The following GANAB variants were observed in gnomAD, a reference collection of about 807,000 sequenced individuals.
GANAB encodes the protein glucosidase II alpha subunit.
In GANAB, 35 loss-of-function variants were observed where a neutral mutation model predicts 129.9. That is an observed-to-expected ratio of 0.27 (90% CI 0.21 to 0.36). GANAB has a LOEUF of 0.36. Ranked by LOEUF, GANAB falls within the 10% of genes least tolerant of loss-of-function variation. GANAB has a pLI of 1.00. For synonymous variants in GANAB, 482 were observed against 451.8 expected (o/e 1.07, Z -0.85); for missense variants, 939 against 1,221.0 (o/e 0.77, Z 3.44).
At chr11:62,634,378 G>A in intron 5 of GANAB, 1 of 1,602,732 alleles carries the variant, frequency 6.2e-7, no homozygotes, top group Non-Finnish European at 8.5e-7. Flanking sequence ...CCGAGAAACT[G>A]GGGCAGGAGG....
rs1943735565 is a variant in GANAB at position 62,632,503 on chromosome 11, C to T, written c.996+62G>A. 5 of 1,296,070 alleles carry T rather than the reference C, an allele frequency of 3.9e-6. No homozygotes were observed. In the South Asian group the frequency reaches 5.0e-5, roughly 13 times the overall value. 80.3% of individuals were successfully genotyped at this position (1,296,070 alleles called of 1,614,324 possible). ...CCAAATAGCTAATGCCCCTAGTATA[C>T]CTATTTGCCTCAAGGCCTGGAAGCT... On this transcript the variant is annotated intron_variant, in intron 9 of 23. Coordinates refer to ENST00000356638, the MANE Select transcript of GANAB (RefSeq NM_198334.3).
chr11:62,637,987 T>C (rs891600838), intron 4 of GANAB, among the ~76,000 whole-genome samples: 5 of 151,604 alleles, frequency 3.3e-5, no homozygotes, highest in African/African-American at 9.7e-5. Flanking sequence ...AAAATATATA[T>C]AATTTATTGC....
chr11:62,636,260 G>A (rs1943934406), intron 4 of GANAB, among the ~76,000 whole-genome samples: 1 of 151,912 alleles, frequency 6.6e-6, no homozygotes, highest in Admixed American at 6.6e-5. Flanking sequence ...CGAAGTGCTG[G>A]GATTACAGGT....
chr11:62,640,482 A>G (rs186984536), intron 1 of GANAB, among the ~76,000 whole-genome samples: 1,704 of 146,040 alleles, frequency 0.012, 31 homozygotes, highest in African/African-American at 0.041. Flanking sequence ...GCAGTGAGTC[A>G]AGATCGCACC....
In GANAB at chr11:62,626,694, G is replaced by A; in HGVS notation, c.2398-10C>T. 2.6e-6 allele frequency: 4 copies of A among 1,566,108 alleles called. No homozygotes were observed. The highest frequency in any genetic ancestry group is 3.5e-6 in the Non-Finnish European group (4 of 1,143,298). ...GCTGGAACACAGGGATCTAGGGCAA[G>A]AGCAATGCCAGGATGAAGTTGCCCC... On this transcript the variant is annotated splice_polypyrimidine_tract_variant and intron_variant, in intron 20 of 23. Transcript: ENST00000356638.
At chr11:62,632,815 C>A (rs1428484679) in intron 8 of GANAB, 70 bp from the exon 9 acceptor site, 3 of 1,245,180 alleles carry the variant, frequency 2.4e-6, no homozygotes, top group African/African-American at 1.5e-5. Context: ...CACCACTCCA[C>A]AGACACAGGT....
intron 17 of GANAB, 44 bp downstream of exon 17, chr11:62,628,725 C>CA: frequency 6.3e-7 from 1 of 1,599,706 alleles, no homozygotes; most frequent in Non-Finnish European, 8.6e-7. Flanking sequence ...CTAATACCCC[C>CA]AGCCACCTCA....
In GANAB at chr11:62,627,298, A is replaced by C; in HGVS notation, c.2236T>G (p.Tyr746Asp). The C allele has an allele frequency of 6.4e-7, 1 of 1,572,946 alleles. No homozygotes were observed. The highest frequency in any genetic ancestry group is 8.8e-7 in the Non-Finnish European group (1 of 1,142,456). The change falls in exon 18 of 24, where the codon TAC becomes GAC. Residue 746 changes from tyrosine to aspartate, a missense_variant. By Grantham distance (160) the Tyr-to-Asp change is radical. This residue lies in a region of GANAB where 230 missense variants were observed against 259.9 expected (regional missense o/e 0.89). Coordinates refer to ENST00000356638, the MANE Select transcript of GANAB (RefSeq NM_198334.3). ...TATCCTCATTTCTCACCAAGCAAGTACTGATCATCTATATTGAAGGTAGTC... is the reference window on the plus strand; with the variant it reads ...TATCCTCATTTCTCACCAAGCAAGTCCTGATCATCTATATTGAAGGTAGTC... ...DVTTFNIDDQ[Y>D]LLGDALLVHP...
At chr11:62,645,996 G>A (rs1206633945) in intron 1 of GANAB, among the ~76,000 whole-genome samples, 2 of 152,214 alleles carry the variant, frequency 1.3e-5, no homozygotes, top group Admixed American at 6.5e-5. Context: ...CATCCACGCC[G>A]TGAGCTTACT....
chr11:62,626,911 G>A lies in GANAB; in HGVS notation c.2346C>T (p.Tyr782=), dbSNP rs561758756. The A allele has an allele frequency of 2.5e-6, 4 of 1,612,856 alleles. No homozygotes were observed. The South Asian group carries it at 4.4e-5, about 18-fold the overall frequency. ...GGGTCTGGGGACCATGATGCTTCTG[G>A]TAGCTTTGAATGTCATACCACACCT... is the stretch of plus-strand genomic sequence containing the variant. The part of the protein sequence containing the change: ...QGEVWYDIQS[Y]QKHHGPQTLY... The change falls in exon 20 of 24, where the codon TAC becomes TAT. Residue 782 remains tyrosine, a synonymous_variant. Transcript: ENST00000356638.
At chr11:62,633,625 T>A in intron 5 of GANAB, 111 bp from the exon 6 acceptor site, 1 of 905,308 alleles carries the variant, frequency 1.1e-6, no homozygotes, top group Non-Finnish European at 1.8e-6. Context: ...ACGAAGGCAT[T>A]GGAGGAAGGG....
chr11:62,630,129 A>T, intron 13 of GANAB, 68 bp downstream of exon 13: 1 of 1,393,384 alleles, frequency 7.2e-7, no homozygotes, highest in Non-Finnish European at 1.0e-6. Flanking sequence ...AGGGTTGGCA[A>T]GCCGAGAGAG....
chr11:62,630,334 A>G (rs1184944136), intron 12 of GANAB, 45 bp downstream of exon 12: 1 of 1,613,652 alleles, frequency 6.2e-7, no homozygotes, highest in African/African-American at 1.3e-5. Flanking sequence ...CCACCATTCT[A>G]CCCCGCTGGC....
In GANAB at chr11:62,633,596, G is replaced by C. The variant is rs887165661; in HGVS notation, c.561-82C>G. 46 of 1,236,164 alleles carry C rather than the reference G, an allele frequency of 3.7e-5. No homozygotes were observed. The South Asian group carries it at 4.1e-4, about 11-fold the overall frequency. The allele number at this position is 1,236,164 out of a possible 1,614,324, so 76.6% of individuals were successfully genotyped here. A position where few individuals can be genotyped will look rare whatever the true frequency, so the allele number is the denominator to read the frequency against. The stretch of plus-strand genomic sequence containing the variant: ...GTGGAAGGAGGGGTTGGGGAATAGA[G>C]AGCCAAGGGTCCAAAGGAACGAAGG... On this transcript the variant is annotated intron_variant, in intron 5 of 23. Transcript: ENST00000356638.
intron 4 of GANAB, among the ~76,000 whole-genome samples, chr11:62,638,607 G>C (rs1462602222): frequency 1.4e-4 from 9 of 65,678 alleles, no homozygotes; most frequent in African/African-American, 3.8e-4. Flanking sequence ...AGGAAGGAAG[G>C]AAGGAAGGAA....
intron 19 of GANAB, 52 bp from the exon 20 acceptor site, chr11:62,626,986 C>T (rs1050736531): frequency 6.4e-7 from 1 of 1,571,524 alleles, no homozygotes; most frequent in Non-Finnish European, 8.8e-7. Flanking sequence ...CACAGGGGTC[C>T]CGTCCTGTTT....
At chr11:62,634,054 T>C (rs1261991334) in intron 5 of GANAB, 5 of 452,156 alleles carry the variant, frequency 1.1e-5, no homozygotes, top group South Asian at 3.4e-5. Context: ...ACCCCAGCAA[T>C]AGGCAGCATC....
chr11:62,641,162 G>A (rs538011553), intron 1 of GANAB, among the ~76,000 whole-genome samples: 72 of 151,946 alleles, frequency 4.7e-4, no homozygotes, highest in African/African-American at 1.6e-3. Flanking sequence ...TGGCCAACAT[G>A]ATGAAACCCC....
intron 17 of GANAB, among the ~76,000 whole-genome samples, chr11:62,627,656 C>T (rs1450240256): frequency 6.6e-6 from 1 of 151,994 alleles, no homozygotes; most frequent in Non-Finnish European, 1.5e-5. Context: ...CACTTGAACC[C>T]GGGAGGCGGA....
Sources: allele counts gnomAD v4.1 joint callset (sites outside exome capture counted in the v4.1 genomes callset), GRCh38; gene constraint gnomAD v4.1.1; regional missense constraint gnomAD v4.1.1; transcripts MANE v1.5; gene names NCBI Gene and HGNC (gene_info 2026-07-23, HGNC 2026-07-21).